Variants in WWC1 observed in about 807,000 individuals in gnomAD.
The protein encoded by WWC1 is WW and C2 domain containing 1.
WWC1 carries 55 observed loss-of-function variants against 138.4 expected under a neutral mutation model. The observed-to-expected ratio is 0.40, with a 90% CI of 0.32 to 0.50. The LOEUF (loss-of-function observed/expected upper bound fraction) is 0.50. Among genes scored for constraint, WWC1 ranks in the 20% least tolerant of loss-of-function variants. WWC1 has a pLI of 0.72. For missense variants in WWC1, 1,226 were observed against 1,420.4 expected, an observed-to-expected ratio of 0.86 and a Z score of 2.20; for synonymous variants, 524 against 564.9, an observed-to-expected ratio of 0.93 and a Z score of 1.03.
intron 1 of WWC1, among the ~76,000 whole-genome samples, chr5:168,302,699 G>A (rs1383138688): frequency 6.6e-6 from 1 of 152,156 alleles, no homozygotes; most frequent in Non-Finnish European, 1.5e-5. Flanking sequence ...TGCAAATATA[G>A]TAGAAATACC....
chr5:168,318,592 T>G (rs187471981), intron 1 of WWC1, among the ~76,000 whole-genome samples: 1 of 149,366 alleles, frequency 6.7e-6, no homozygotes, highest in East Asian at 2.0e-4. Flanking sequence ...GGAGTTTCGC[T>G]CTTGTTGCCC....
chr5:168,345,538 A>G (rs1401601026), intron 1 of WWC1, among the ~76,000 whole-genome samples: 1 of 152,200 alleles, frequency 6.6e-6, no homozygotes, highest in South Asian at 2.1e-4. Context: ...CACAAACTTC[A>G]TGAAATCCTG....
intron 13 of WWC1, among the ~76,000 whole-genome samples, chr5:168,429,653 G>T (rs1470659826): frequency 2.0e-5 from 3 of 152,124 alleles, no homozygotes; most frequent in Non-Finnish European, 2.9e-5. Flanking sequence ...CAGACAACTG[G>T]CTGGGTGTGG....
rs1779157322 is a variant in WWC1, at chr5:168,399,575, C to T, written c.590+8C>T. 2 of 1,613,790 alleles carry T rather than the reference C, an allele frequency of 1.2e-6. No individual in the cohort carries two copies. The highest frequency in any genetic ancestry group is 1.7e-6 in the Non-Finnish European group (2 of 1,179,934). On this transcript the variant is annotated splice_region_variant and intron_variant, in intron 5 of 22. Coordinates refer to ENST00000265293, the MANE Select transcript of WWC1 (RefSeq NM_015238.3). ...CTTTCAGACCCTGAAGAAGTAAGTA[C>T]ACCCTGCATCCCAGAGCATGGGGGC...
chr5:168,459,316 A>G (rs1756603012), intron 19 of WWC1, among the ~76,000 whole-genome samples: 2 of 151,828 alleles, frequency 1.3e-5, no homozygotes, highest in East Asian at 1.9e-4. Flanking sequence ...ACCACATGCA[A>G]CCAGTTTATA....
At chr5:168,338,423 TG>T (rs34581093) in intron 1 of WWC1, among the ~76,000 whole-genome samples, 4,821 of 149,042 alleles carry the variant, frequency 0.032, 289 homozygotes, top group African/African-American at 0.11. Context: ...TCTTTTTTTT[TG>T]GGGGGGGATT....
At chr5:168,420,424 A>C (rs1781001690) in intron 9 of WWC1, among the ~76,000 whole-genome samples, 1 of 152,042 alleles carries the variant, frequency 6.6e-6, no homozygotes, top group Non-Finnish European at 1.5e-5. Context: ...ATTTTACCTT[A>C]ATTACTTCTT....
rs1187180805 is a variant in WWC1 at position 168,470,926 on chromosome 5, A to C, written c.*1909A>C. ...GGACGGTCCCCAGTGCCAGTGTTTT[A>C]CCCATGTTCCCTCTGTAAGTCTTAT... is the stretch of plus-strand genomic sequence containing the variant. On this transcript the variant is annotated 3_prime_UTR_variant, in exon 23 of 23. Transcript: ENST00000265293. The C allele has an allele frequency of 6.6e-6, 1 of 152,200 alleles. No homozygotes were observed. The highest frequency in any genetic ancestry group is 1.5e-5 in the Non-Finnish European group (1 of 68,088). The allele number at this position is 152,200 out of a possible 1,614,324, so 9.4% of individuals were successfully genotyped here.
At chr5:168,337,256 C>T (rs555497078) in intron 1 of WWC1, among the ~76,000 whole-genome samples, 1 of 152,328 alleles carries the variant, frequency 6.6e-6, no homozygotes, top group South Asian at 2.1e-4. Context: ...CATCCATATA[C>T]CCCACTCTCC....
Position 168,431,471 on chromosome 5 carries a change from TGG to T in WWC1, c.2280+28_2280+29del. On this transcript the variant is annotated intron_variant, in intron 15 of 22. Coordinates refer to ENST00000265293, the MANE Select transcript of WWC1 (RefSeq NM_015238.3). Reference sequence around the variant, plus strand: ...TAAGGGCCGTGTCTGGCTGGCTGGCTGGCTGGCTGGCTGGCTGGCTGGCTGGC... The same window carrying T: ...TAAGGGCCGTGTCTGGCTGGCTGGCTCTGGCTGGCTGGCTGGCTGGCTGGC... The T allele has an allele frequency of 4.0e-6, 6 of 1,498,316 alleles. No individual in the cohort carries two copies. In the Middle Eastern group the frequency reaches 1.1e-3, roughly 273 times the overall value. 92.8% of individuals were successfully genotyped at this position (1,498,316 alleles called of 1,614,324 possible).
intron 12 of WWC1, among the ~76,000 whole-genome samples, chr5:168,428,450 T>G (rs1374347341): frequency 6.6e-6 from 1 of 151,902 alleles, no homozygotes; most frequent in Non-Finnish European, 1.5e-5. Flanking sequence ...CTGGGCATAG[T>G]GGTGTGAGTC....
chr5:168,338,451 G>A (rs147885849), intron 1 of WWC1, among the ~76,000 whole-genome samples: 2,746 of 148,022 alleles, frequency 0.019, 39 homozygotes, highest in South Asian at 0.056. Context: ...CACTCTTGTC[G>A]CCCAGGCTGG....
At chr5:168,386,050 G>A (rs1778022493) in intron 3 of WWC1, among the ~76,000 whole-genome samples, 1 of 151,670 alleles carries the variant, frequency 6.6e-6, no homozygotes, top group Non-Finnish European at 1.5e-5. Flanking sequence ...TTCCACCTCA[G>A]TGCCTTAGTA....
chr5:168,356,760 C>G (rs1409488555), intron 1 of WWC1, among the ~76,000 whole-genome samples: 3 of 152,066 alleles, frequency 2.0e-5, no homozygotes, highest in African/African-American at 7.2e-5. Context: ...TGTTTGCTAC[C>G]CAGTGGGTTA....
chr5:168,443,459 G>T (rs1343247755), intron 16 of WWC1, among the ~76,000 whole-genome samples: 1 of 152,116 alleles, frequency 6.6e-6, no homozygotes, highest in Non-Finnish European at 1.5e-5. Flanking sequence ...CATCAGCAAA[G>T]CTAGGTCTCA....
intron 1 of WWC1, among the ~76,000 whole-genome samples, chr5:168,320,023 TTA>T (rs1331084762): frequency 1.3e-5 from 2 of 151,546 alleles, no homozygotes. Context: ...TGTTGAGCAT[TTA>T]TATATACACT....
chr5:168,462,811 T>C (rs1756930539), intron 20 of WWC1, among the ~76,000 whole-genome samples: 1 of 152,234 alleles, frequency 6.6e-6, no homozygotes, highest in Non-Finnish European at 1.5e-5. Context: ...CTGAGCTGTG[T>C]TGTCTCTACC....
chr5:168,403,067 T>TTTCC (rs1561712446), intron 5 of WWC1, among the ~76,000 whole-genome samples: 4 of 108,026 alleles, frequency 3.7e-5, no homozygotes, highest in African/African-American at 1.8e-4. Context: ...TCTTTCTTTC[T>TTTCC]TTCTTTCTTT....
At position 168,450,590 on chromosome 5, in the gene WWC1, C is replaced by T. The variant is rs113016768; in HGVS notation, c.2526-3378C>T. Among the ~76,000 whole-genome samples the T allele has an allele frequency of 2.7e-3, 416 of 152,160 alleles. 3 individuals carry two copies. Among genetic ancestry groups the T allele is most frequent in the African/African-American group, 9.6e-3 (397 of 41,512 alleles). ...CTGAGGCGGGAGAATTGCTTGAACC[C>T]GGGAGGCAGAGGTTGCAGTGAGCTG... On this transcript the variant is annotated intron_variant, in intron 17 of 22. Coordinates refer to ENST00000265293, the MANE Select transcript of WWC1 (RefSeq NM_015238.3).
Sources: allele counts gnomAD v4.1 joint callset (sites outside exome capture counted in the v4.1 genomes callset), GRCh38; gene constraint gnomAD v4.1.1; transcripts MANE v1.5; gene names NCBI Gene and HGNC (gene_info 2026-07-23, HGNC 2026-07-21).